EPC2: variants seen among roughly 807,000 people sequenced by gnomAD.
EPC2 encodes the protein enhancer of polycomb 2.
In EPC2, 14 loss-of-function variants were observed where a neutral mutation model predicts 92.1. The ratio of observed to expected loss-of-function variants is 0.15; its 90% CI spans 0.10 to 0.24. EPC2 has a LOEUF of 0.24. EPC2 is among the 10% of genes least tolerant of loss of function. The pLI, the probability that EPC2 is intolerant of heterozygous loss-of-function variation, is 1.00. For missense variants in EPC2, 755 were observed against 971.5 expected (o/e 0.78, Z 2.96); for synonymous variants, 340 against 334.7 (o/e 1.02, Z -0.17).
At chr2:148,694,770 C>T (rs566725226) in intron 2 of EPC2, among the ~76,000 whole-genome samples, 25 of 152,114 alleles carry the variant, frequency 1.6e-4, no homozygotes, top group Admixed American at 8.5e-4. Flanking sequence ...CTCCTCCCCC[C>T]GCCCAAACCC....
intron 2 of EPC2, among the ~76,000 whole-genome samples, chr2:148,726,411 A>G (rs1682494501): frequency 6.6e-6 from 1 of 152,148 alleles, no homozygotes; most frequent in South Asian, 2.1e-4. Flanking sequence ...GTAGTACAGT[A>G]GTTACATTCT....
intron 1 of EPC2, among the ~76,000 whole-genome samples, chr2:148,679,260 C>A (rs1254074758): frequency 6.6e-6 from 1 of 152,152 alleles, no homozygotes; most frequent in Non-Finnish European, 1.5e-5. Context: ...TACTAACACT[C>A]TTCTCTAGTA....
At chr2:148,678,406 C>A (rs1253297275) in intron 1 of EPC2, among the ~76,000 whole-genome samples, 1 of 152,262 alleles carries the variant, frequency 6.6e-6, no homozygotes, top group Non-Finnish European at 1.5e-5. Context: ...ACCCGCATTC[C>A]TCAGCCCTTG....
chr2:148,669,992 A>T (rs1325248553), intron 1 of EPC2, among the ~76,000 whole-genome samples: 3 of 152,174 alleles, frequency 2.0e-5, no homozygotes, highest in Non-Finnish European at 4.4e-5. Context: ...TAAGTACTCC[A>T]GGGAAGCCTC....
Position 148,761,969 on chromosome 2 carries a change from T to C in EPC2, c.815+39T>C, listed in dbSNP as rs763644578. On this transcript the variant is annotated intron_variant, in intron 5 of 13. Transcript: ENST00000258484. ...TGTTACAACAGTAAAATGACAACTT[T>C]ACCAAATGATGGGCAAAATGAACCA... The C allele has an allele frequency of 5.3e-6, 8 of 1,519,070 alleles. No homozygotes were observed. The Admixed American group carries it at 2.0e-4, about 38-fold the overall frequency. The allele number at this position is 1,519,070 out of a possible 1,614,324, so 94.1% of individuals were successfully genotyped here.
intron 1 of EPC2, among the ~76,000 whole-genome samples, chr2:148,669,832 G>T (rs914253275): frequency 2.6e-5 from 4 of 152,068 alleles, no homozygotes; most frequent in Non-Finnish European, 5.9e-5. Context: ...AGTATTTTTT[G>T]CTGAGTACTC....
rs79869488 is a variant in EPC2, at chr2:148,720,899, C to G, written c.314-22723C>G. On this transcript the variant is annotated intron_variant, in intron 2 of 13. Coordinates refer to ENST00000258484, the MANE Select transcript of EPC2 (RefSeq NM_015630.4). The stretch of plus-strand genomic sequence containing the variant: ...CGCCGCTTTCGTTCCTCTCCATGAG[C>G]GCCACGGACTGCAGCTGCTTCTAAT... Among the ~76,000 whole-genome samples the G allele has an allele frequency of 2.3e-3, 350 of 152,276 alleles. 15 individuals are homozygous for G. The East Asian group carries it at 0.06, about 26-fold the overall frequency.
chr2:148,724,385 G>T (rs1003874894), intron 2 of EPC2, among the ~76,000 whole-genome samples: 3 of 152,006 alleles, frequency 2.0e-5, no homozygotes, highest in African/African-American at 7.2e-5. Flanking sequence ...TCATTTCTTT[G>T]TGGGGAACAT....
At chr2:148,647,885 C>T (rs1339014454) in intron 1 of EPC2, among the ~76,000 whole-genome samples, 1 of 152,188 alleles carries the variant, frequency 6.6e-6, no homozygotes, top group Non-Finnish European at 1.5e-5. Context: ...CTGCCTCGGC[C>T]TCCCGAAGTG....
chr2:148,771,740 C>T (rs1352097188), intron 10 of EPC2, among the ~76,000 whole-genome samples: 1 of 151,644 alleles, frequency 6.6e-6, no homozygotes, highest in Non-Finnish European at 1.5e-5. Context: ...AACCATTGCT[C>T]CTTGAGAGTA....
chr2:148,698,495 G>A (rs1222429852), intron 2 of EPC2, among the ~76,000 whole-genome samples: 1 of 151,842 alleles, frequency 6.6e-6, no homozygotes. Context: ...AATTAGCCCG[G>A]TGTGGTGGTG....
At chr2:148,748,234 G>A (rs536660069) in intron 3 of EPC2, among the ~76,000 whole-genome samples, 40 of 151,680 alleles carry the variant, frequency 2.6e-4, no homozygotes, top group Middle Eastern at 3.4e-3. Context: ...CTTCCCTTTC[G>A]CCTTCTCCCA....
chr2:148,690,727 A>G (rs1221846243), intron 2 of EPC2, among the ~76,000 whole-genome samples: 1 of 151,698 alleles, frequency 6.6e-6, no homozygotes, highest in Non-Finnish European at 1.5e-5. Flanking sequence ...CAGTGGCATG[A>G]TCTTGGCTCA....
intron 2 of EPC2, among the ~76,000 whole-genome samples, chr2:148,706,539 T>C (rs886210077): frequency 3.9e-5 from 6 of 151,906 alleles, no homozygotes; most frequent in East Asian, 1.9e-4. Flanking sequence ...CCAAGACACA[T>C]AATTGTCAGA....
At chr2:148,704,290 T>A (rs1239583651) in intron 2 of EPC2, among the ~76,000 whole-genome samples, 1 of 152,200 alleles carries the variant, frequency 6.6e-6, no homozygotes, top group East Asian at 1.9e-4. Flanking sequence ...TAAGTCATTA[T>A]CTGAGGTACT....
In EPC2 at chr2:148,690,194, G is replaced by T; in HGVS notation, c.154-20G>T. On this transcript the variant is annotated intron_variant, in intron 1 of 13. Transcript: ENST00000258484. The stretch of plus-strand genomic sequence containing the variant: ...TAATATTACTAAAACAACTTATGTT[G>T]CCTACTTTACATTTTCCAGGAACAT... The T allele has an allele frequency of 6.4e-7, 1 of 1,571,160 alleles. No individual in the cohort carries two copies. The highest frequency in any genetic ancestry group is 8.6e-7 in the Non-Finnish European group (1 of 1,164,210).
intron 4 of EPC2, among the ~76,000 whole-genome samples, chr2:148,755,677 C>T (rs186410383): frequency 7.2e-5 from 11 of 152,310 alleles, no homozygotes; most frequent in Admixed American, 5.2e-4. Context: ...ATAGGCTATA[C>T]CTTCTAGGTT....
intron 1 of EPC2, among the ~76,000 whole-genome samples, chr2:148,669,176 TG>T (rs1455056639): frequency 6.6e-6 from 1 of 152,242 alleles, no homozygotes; most frequent in East Asian, 1.9e-4. Context: ...ACATTTAATA[TG>T]ATTTTTAGTA....
rs559760737 is a variant in EPC2 at position 148,654,693 on chromosome 2, G to A, written c.153+9523G>A. Among the ~76,000 whole-genome samples the A allele has an allele frequency of 1.5e-4, 23 of 152,246 alleles. No homozygotes were observed. The South Asian group carries it at 2.7e-3, about 18-fold the overall frequency. On this transcript the variant is annotated intron_variant, in intron 1 of 13. Transcript: ENST00000258484. ...AAACAAACAAACAAAAAGAGAGAGCGCTTTCAAACATTACAAGTTAATATG... is the reference window on the plus strand; with the variant it reads ...AAACAAACAAACAAAAAGAGAGAGCACTTTCAAACATTACAAGTTAATATG...
Sources: gnomAD v4.1 joint callset for allele counts (sites outside exome capture counted in the v4.1 genomes callset) on GRCh38, gnomAD v4.1.1 for gene constraint, MANE v1.5 for transcripts, NCBI Gene and HGNC (gene_info 2026-07-23, HGNC 2026-07-21) for gene names.